The following SUSD4 variants were observed in gnomAD, a reference collection of about 807,000 sequenced individuals.
SUSD4 encodes the protein sushi domain containing 4, also known as sushi domain-containing protein 4.
Under a neutral mutation model 50.5 loss-of-function variants are expected in SUSD4, and 41 were observed. That is an observed-to-expected ratio of 0.81 (90% CI 0.63 to 1.05). SUSD4 has a LOEUF of 1.05. Among genes scored for constraint, SUSD4 ranks in the 50% least tolerant of loss-of-function variants. The pLI is 0.00. For synonymous variants in SUSD4, 257 were observed against 257.3 expected, an observed-to-expected ratio of 1.00 and a Z score of 0.01; for missense variants, 580 against 634.7, an observed-to-expected ratio of 0.91 and a Z score of 0.93.
intron 5 of SUSD4, among the ~76,000 whole-genome samples, chr1:223,232,509 C>T (rs183779956): frequency 6.6e-6 from 1 of 152,182 alleles, no homozygotes; most frequent in Non-Finnish European, 1.5e-5. Flanking sequence ...TAGAAAATTA[C>T]CAAAACTCTT....
intron 3 of SUSD4, among the ~76,000 whole-genome samples, chr1:223,277,751 T>G (rs1323536042): frequency 6.6e-6 from 1 of 152,206 alleles, no homozygotes; most frequent in Non-Finnish European, 1.5e-5. Flanking sequence ...GTGACTTCTA[T>G]AAGTCACTAA....
At position 223,222,069 on chromosome 1, in the gene SUSD4, T is replaced by C; in HGVS notation, c.*123A>G. On this transcript the variant is annotated 3_prime_UTR_variant, in exon 9 of 9. Coordinates refer to ENST00000366878, the MANE Select transcript of SUSD4 (RefSeq NM_017982.4). ...GGAGCCTGAGATGCATAATGTGAAC[T>C]GTGGTCCCCATGTAGACAAGTTAGA... The C allele has an allele frequency of 1.1e-6, 1 of 900,414 alleles. No individual in the cohort carries two copies. The highest frequency in any genetic ancestry group is 1.7e-6 in the Non-Finnish European group (1 of 581,880). 55.8% of individuals were successfully genotyped at this position (900,414 alleles called of 1,614,324 possible). A position where few individuals can be genotyped will look rare whatever the true frequency, so the allele number is the denominator to read the frequency against.
intron 5 of SUSD4, among the ~76,000 whole-genome samples, chr1:223,256,478 A>C (rs1226708484): frequency 1.3e-5 from 2 of 152,254 alleles, no homozygotes; most frequent in Admixed American, 6.5e-5. Context: ...CTCACCACAC[A>C]TCTCTTCCTT....
intron 5 of SUSD4, among the ~76,000 whole-genome samples, chr1:223,252,494 G>T (rs1458833944): frequency 1.3e-5 from 2 of 151,910 alleles, no homozygotes; most frequent in Non-Finnish European, 2.9e-5. Flanking sequence ...CAAGCAGAAT[G>T]GTAGGCAAAG....
At chr1:223,273,054 G>C (rs538938745) in intron 3 of SUSD4, among the ~76,000 whole-genome samples, 2 of 152,152 alleles carry the variant, frequency 1.3e-5, no homozygotes, top group African/African-American at 4.8e-5. Context: ...GGGCCCCTGA[G>C]GAAATGACAT....
At chr1:223,224,801 C>T (rs1480807678) in intron 7 of SUSD4, among the ~76,000 whole-genome samples, 2 of 151,728 alleles carry the variant, frequency 1.3e-5, no homozygotes, top group Admixed American at 1.3e-4. Context: ...CCATACTCTG[C>T]TCCTGGCCTC....
At chr1:223,272,797 G>C (rs1409424527) in intron 3 of SUSD4, among the ~76,000 whole-genome samples, 1 of 152,164 alleles carries the variant, frequency 6.6e-6, no homozygotes, top group Non-Finnish European at 1.5e-5. Context: ...TCATCCAGCT[G>C]TTCATTCATC....
intron 5 of SUSD4, among the ~76,000 whole-genome samples, chr1:223,242,643 C>T (rs1660658980): frequency 1.3e-5 from 2 of 152,332 alleles, no homozygotes; most frequent in Middle Eastern, 3.4e-3. Flanking sequence ...CTCTGCTACT[C>T]GTTGGCTGAA....
chr1:223,336,825 T>C (rs1207842648), intron 2 of SUSD4, among the ~76,000 whole-genome samples: 2 of 152,178 alleles, frequency 1.3e-5, no homozygotes, highest in African/African-American at 4.8e-5. Context: ...TCACAGCATC[T>C]GGCACATTAG....
At position 223,231,104 on chromosome 1, in the gene SUSD4, T is replaced by TGGAA. The variant is rs1302866082; in HGVS notation, c.725-1720_725-1717dup. On this transcript the variant is annotated intron_variant, in intron 5 of 8. Transcript: ENST00000366878. The surrounding 1 kb of genome is among the most constrained non-coding windows in gnomAD (Gnocchi z 4.2). ...CGTTGCTGGGGTCCCTAGTGGAAGG[T>TGGAA]GGAACCATGGAGGTCTATCCCGCGG... 1.3e-5 allele frequency among the ~76,000 whole-genome samples: 2 copies of TGGAA among 151,836 alleles called. No individual in the cohort carries two copies. Among genetic ancestry groups the TGGAA allele is most frequent in the Admixed American group, 1.3e-4 (2 of 15,260 alleles).
intron 2 of SUSD4, among the ~76,000 whole-genome samples, chr1:223,309,026 C>G (rs1400253871): frequency 6.6e-6 from 1 of 152,172 alleles, no homozygotes; most frequent in East Asian, 1.9e-4. Flanking sequence ...GTATGTCATT[C>G]TCTGACTATA....
chr1:223,313,267 C>A (rs1665986302), intron 2 of SUSD4, among the ~76,000 whole-genome samples: 1 of 152,080 alleles, frequency 6.6e-6, no homozygotes, highest in Non-Finnish European at 1.5e-5. Context: ...TTGAGTCCAA[C>A]CACGTGGCTG....
At chr1:223,273,424 G>C (rs1663048880) in intron 3 of SUSD4, among the ~76,000 whole-genome samples, 1 of 152,228 alleles carries the variant, frequency 6.6e-6, no homozygotes, top group Non-Finnish European at 1.5e-5. Flanking sequence ...CTCAGCTCCT[G>C]AGAGGTAACC....
intron 2 of SUSD4, among the ~76,000 whole-genome samples, chr1:223,351,012 A>C (rs1244072436): frequency 6.6e-6 from 1 of 152,198 alleles, no homozygotes; most frequent in Non-Finnish European, 1.5e-5. Context: ...TTGAAATCTT[A>C]CTACATAATA....
chr1:223,319,644 A>C (rs1415804817), intron 2 of SUSD4, among the ~76,000 whole-genome samples: 1 of 152,204 alleles, frequency 6.6e-6, no homozygotes, highest in African/African-American at 2.4e-5. Flanking sequence ...AACACAAGAC[A>C]GACTGGTTTT....
At chr1:223,278,950 C>A (rs545135445) in intron 3 of SUSD4, among the ~76,000 whole-genome samples, 18 of 152,328 alleles carry the variant, frequency 1.2e-4, no homozygotes, top group African/African-American at 4.3e-4. Flanking sequence ...GATACCCAGG[C>A]AAACAGGGTC....
At chr1:223,353,692 T>C (rs774935138) in intron 2 of SUSD4, among the ~76,000 whole-genome samples, 2 of 152,148 alleles carry the variant, frequency 1.3e-5, no homozygotes, top group Admixed American at 6.5e-5. Context: ...AGAATCTGTA[T>C]CCGGAGGGCT....
chr1:223,243,712 G>A (rs1375731284), intron 5 of SUSD4, among the ~76,000 whole-genome samples: 1 of 152,216 alleles, frequency 6.6e-6, no homozygotes, highest in Non-Finnish European at 1.5e-5. Context: ...CTGAGCTCAG[G>A]GAAGGGCAAC....
intron 2 of SUSD4, among the ~76,000 whole-genome samples, chr1:223,334,266 A>G (rs192642839): frequency 5.3e-5 from 8 of 152,290 alleles, no homozygotes; most frequent in Admixed American, 4.6e-4. Context: ...AGCTTCAACA[A>G]AAAAACCTGG....
Sources: gnomAD v4.1 joint callset for allele counts (sites outside exome capture counted in the v4.1 genomes callset) on GRCh38, gnomAD v4.1.1 for gene constraint, Gnocchi (gnomAD v3.1) non-coding constraint, MANE v1.5 for transcripts, NCBI Gene and HGNC (gene_info 2026-07-23, HGNC 2026-07-21) for gene names.